The following HK1 variants were observed in gnomAD, a reference collection of about 807,000 sequenced individuals.
HK1 encodes the protein hexokinase 1.
In HK1, 28 loss-of-function variants were observed where a neutral mutation model predicts 91.6. The ratio of observed to expected loss-of-function variants is 0.31; its 90% CI spans 0.23 to 0.42. HK1 has a LOEUF of 0.42. Among genes scored for constraint, HK1 ranks in the 10% least tolerant of loss-of-function variants. HK1 has a pLI of 1.00. For synonymous variants in HK1, 430 were observed against 468.1 expected, an observed-to-expected ratio of 0.92 and a Z score of 1.05; for missense variants, 770 against 1,219.8, an observed-to-expected ratio of 0.63 and a Z score of 5.49.
chr10:69,332,454 C>T (rs1162826066), intron 1 of HK1, among the ~76,000 whole-genome samples: 1 of 151,828 alleles, frequency 6.6e-6, no homozygotes, highest in Admixed American at 6.6e-5. Flanking sequence ...TCTTGACTCA[C>T]CGCAACCTCT....
intron 14 of HK1, among the ~76,000 whole-genome samples, chr10:69,391,170 C>T (rs1839880115): frequency 6.6e-6 from 1 of 152,326 alleles, no homozygotes; most frequent in African/African-American, 2.4e-5. Flanking sequence ...GCCTTTTTCA[C>T]AGAAGAATCC....
chr10:69,391,022 G>A (rs1037011600), intron 14 of HK1, among the ~76,000 whole-genome samples: 2 of 152,230 alleles, frequency 1.3e-5, no homozygotes, highest in Non-Finnish European at 2.9e-5. Flanking sequence ...GGCTGGAACA[G>A]CAAACAGTCG....
intron 1 of HK1, among the ~76,000 whole-genome samples, chr10:69,270,604 G>A (rs145260535): frequency 6.6e-6 from 1 of 151,762 alleles, no homozygotes; most frequent in Non-Finnish European, 1.5e-5. Flanking sequence ...AAAAGGAAGA[G>A]AGAGCATCTT....
intron 3 of HK1, among the ~76,000 whole-genome samples, chr10:69,361,766 G>C (rs1849431142): frequency 1.3e-5 from 2 of 152,174 alleles, no homozygotes; most frequent in South Asian, 4.1e-4. Context: ...AGCCTGAAAA[G>C]AGGATGATGA....
chr10:69,335,991 A>G (rs1239518745), intron 1 of HK1, among the ~76,000 whole-genome samples: 1 of 152,230 alleles, frequency 6.6e-6, no homozygotes, highest in Admixed American at 6.5e-5. Context: ...TTGTAAAACA[A>G]AAAGAACCAT....
chr10:69,310,488 A>G (rs1846322605), intron 5 of HK1, among the ~76,000 whole-genome samples: 1 of 151,558 alleles, frequency 6.6e-6, no homozygotes, highest in Non-Finnish European at 1.5e-5. Flanking sequence ...TTTTGTTTAT[A>G]TGTTTAACTT....
intron 8 of HK1, among the ~76,000 whole-genome samples, chr10:69,377,295 G>A (rs1271550075): frequency 2.0e-5 from 3 of 152,068 alleles, no homozygotes; most frequent in Non-Finnish European, 4.4e-5. Flanking sequence ...GAATGACATA[G>A]TTAGCCTCAA....
intron 15 of HK1, among the ~76,000 whole-genome samples, chr10:69,393,444 A>C (rs1208547878): frequency 6.6e-6 from 1 of 151,664 alleles, no homozygotes; most frequent in Admixed American, 6.6e-5. Context: ...TTACAGGTGC[A>C]CGGCACCACG....
intron 5 of HK1, among the ~76,000 whole-genome samples, chr10:69,308,919 C>A (rs939450251): frequency 5.3e-5 from 8 of 152,166 alleles, no homozygotes; most frequent in African/African-American, 1.9e-4. Flanking sequence ...CTGCTGCTCA[C>A]CTCCTGCTGT....
chr10:69,376,082 A>G (rs540383243), intron 7 of HK1, among the ~76,000 whole-genome samples: 2 of 152,272 alleles, frequency 1.3e-5, no homozygotes, highest in African/African-American at 4.8e-5. Context: ...CATGCCAGGG[A>G]GGTGCCTAAC....
upstream of HK1, among the ~76,000 whole-genome samples, chr10:69,311,714 G>A (rs1360408475): frequency 1.3e-5 from 2 of 152,032 alleles, no homozygotes; most frequent in South Asian, 4.1e-4. Context: ...TTGGCTCACT[G>A]CAACCTCCAC....
Position 69,319,242 on chromosome 10 carries a change from G to A in HK1, c.63+232G>A, listed in dbSNP as rs1259766562. The A allele has an allele frequency of 2.8e-5, 17 of 618,006 alleles. No homozygotes were observed. In the East Asian group the frequency reaches 4.5e-4, roughly 16 times the overall value. The allele number at this position is 618,006 out of a possible 1,614,324, so 38.3% of individuals were successfully genotyped here. A position where few individuals can be genotyped will look rare whatever the true frequency, so the allele number is the denominator to read the frequency against. On this transcript the variant is annotated intron_variant, in intron 1 of 17. Transcript: ENST00000359426. ...AATCGGGCGGAAGACCCCCGAGACC[G>A]GGCTGCCTGCTGCAGTGTCCTTGAA... is the stretch of plus-strand genomic sequence containing the variant.
chr10:69,386,533 C>T, intron 13 of HK1, 115 bp downstream of exon 13: 1 of 795,282 alleles, frequency 1.3e-6, no homozygotes, highest in Non-Finnish European at 2.1e-6. Context: ...CCTGTAATCC[C>T]AGCACTTTGG....
chr10:69,289,334 T>C (rs998470834), intron 3 of HK1, among the ~76,000 whole-genome samples: 4 of 152,168 alleles, frequency 2.6e-5, no homozygotes, highest in Middle Eastern at 3.4e-3. Flanking sequence ...TTTTAGACAG[T>C]TATGCTGTGA....
chr10:69,276,118 A>AAAAAAAAAATATATAT lies in HK1; in HGVS notation c.-391+6011_-391+6012insAAAAAAAATATATATA. ...AAAAAAAAAAAAAAAAAAAAAAAAA[A>AAAAAAAAAATATATAT]ATACATATATATATATATATACACA... is the stretch of plus-strand genomic sequence containing the variant. On this transcript the variant is annotated intron_variant, in intron 1 of 21. Transcript: ENST00000360289. Among the ~76,000 whole-genome samples, 13 of 38,272 alleles carry AAAAAAAAAATATATAT rather than the reference A, an allele frequency of 3.4e-4. 1 individual carries two copies. The highest frequency in any genetic ancestry group is 0.029 in the Middle Eastern group (1 of 34). The allele number at this position is 38,272 out of a possible 152,430, so 25.1% of individuals were successfully genotyped here. A position where few individuals can be genotyped will look rare whatever the true frequency, so the allele number is the denominator to read the frequency against.
At chr10:69,377,175 G>C (rs1839158933) in intron 8 of HK1, 86 bp downstream of exon 8, 11 of 1,518,832 alleles carry the variant, frequency 7.2e-6, no homozygotes, top group Non-Finnish European at 1.0e-5. Flanking sequence ...GTCCAAGTTT[G>C]GTGGCTTTTC....
chr10:69,302,618 G>A (rs1845929451), intron 5 of HK1, among the ~76,000 whole-genome samples: 4 of 151,862 alleles, frequency 2.6e-5, no homozygotes, highest in Admixed American at 2.6e-4. Flanking sequence ...TCCTGAGAGT[G>A]GTGGGGTGCA....
chr10:69,400,223 C>T (rs756403611), intron 17 of HK1, among the ~76,000 whole-genome samples: 1 of 152,234 alleles, frequency 6.6e-6, no homozygotes, highest in Non-Finnish European at 1.5e-5. Flanking sequence ...GATCCTCCCA[C>T]CTTGGCCTCC....
rs760782163 is a variant in HK1 at position 69,382,660 on chromosome 10, C to A, written c.1439C>A (p.Thr480Asn). 6.2e-7 allele frequency: 1 copy of A among 1,614,098 alleles called. No individual in the cohort carries two copies. The highest frequency in any genetic ancestry group is 1.7e-5 in the Admixed American group (1 of 60,020). The change falls in exon 10 of 18, where the codon ACC (threonine) becomes AAC (asparagine). Residue 480 changes from threonine (T) to asparagine (N), a missense_variant. Physicochemically the swap from Thr to Asn is moderately conservative, Grantham distance 65. This residue lies in a region of HK1 where 449 missense variants were observed against 665.1 expected (regional missense o/e 0.68). Coordinates refer to ENST00000359426, the MANE Select transcript of HK1 (RefSeq NM_000188.3). ...IEETLAHFHL[T>N]KDMLLEVKKR... ...GAGACCCTGGCTCATTTCCACCTCA[C>A]CAAGGACATGCTGCTGGAGGTGAAG...
Sources: allele counts gnomAD v4.1 joint callset (sites outside exome capture counted in the v4.1 genomes callset), GRCh38; gene constraint gnomAD v4.1.1; regional missense constraint gnomAD v4.1.1; transcripts MANE v1.5; gene names NCBI Gene and HGNC (gene_info 2026-07-23, HGNC 2026-07-21).